The following UBE2W variants were observed in gnomAD, a reference collection of about 807,000 sequenced individuals.
The protein encoded by UBE2W is ubiquitin conjugating enzyme E2 W.
In UBE2W, 18 loss-of-function variants were observed where a neutral mutation model predicts 27.2. The ratio of observed to expected loss-of-function variants is 0.66; its 90% confidence interval spans 0.46 to 0.98. The LOEUF (loss-of-function observed/expected upper bound fraction) is 0.98, where lower values mean the gene tolerates loss of function less well. Among genes scored for constraint, UBE2W ranks in the 50% least tolerant of loss-of-function variants. The pLI, the probability that UBE2W is intolerant of heterozygous loss-of-function variation, is 0.00. For synonymous variants in UBE2W, 53 were observed against 57.2 expected, an observed-to-expected ratio of 0.93 and a Z score of 0.33; for missense variants, 90 against 180.2, an observed-to-expected ratio of 0.50 and a Z score of 2.87.
chr8:73,832,236 G>A (rs1159875063), intron 1 of UBE2W, among the ~76,000 whole-genome samples: 4 of 151,982 alleles, frequency 2.6e-5, no homozygotes, highest in Non-Finnish European at 4.4e-5. Context: ...AGGAGGCCAA[G>A]GCTGCAGTGA....
intron 1 of UBE2W, among the ~76,000 whole-genome samples, chr8:73,846,553 G>A (rs750444617): frequency 6.6e-6 from 1 of 152,106 alleles, no homozygotes; most frequent in Non-Finnish European, 1.5e-5. Context: ...AGGATTTTTA[G>A]GAATACTGCA....
chr8:73,819,377 A>G (rs1586474825), intron 3 of UBE2W, among the ~76,000 whole-genome samples: 1 of 152,220 alleles, frequency 6.6e-6, no homozygotes, highest in East Asian at 1.9e-4. Flanking sequence ...TGTCTGTCCC[A>G]TGACACATCC....
In UBE2W at chr8:73,793,749, C is replaced by T. The variant is rs1586437453; in HGVS notation, c.*353G>A. ...CTTTTCCTGTTACAACGCCCATTGC[C>T]GGCAATGAACGTACCAAAACCGCCA... On this transcript the variant is annotated 3_prime_UTR_variant, in exon 6 of 6. Transcript: ENST00000602593. The T allele has an allele frequency of 2.9e-6, 3 of 1,026,720 alleles. No individual in the cohort carries two copies. Among genetic ancestry groups the T allele is most frequent in the Non-Finnish European group, 3.5e-6 (3 of 856,996 alleles). 63.6% of individuals were successfully genotyped at this position (1,026,720 alleles called of 1,614,324 possible).
intron 1 of UBE2W, among the ~76,000 whole-genome samples, chr8:73,867,582 G>A (rs1464277641): frequency 2.6e-5 from 4 of 151,060 alleles, no homozygotes; most frequent in Non-Finnish European, 5.9e-5. Context: ...GTGGTAGCAC[G>A]TGCCTGTATT....
At chr8:73,864,880 G>A (rs968909846) in intron 1 of UBE2W, among the ~76,000 whole-genome samples, 31 of 151,830 alleles carry the variant, frequency 2.0e-4, no homozygotes, top group Non-Finnish European at 3.4e-4. Flanking sequence ...GGGATTACAC[G>A]AATGAGCCAC....
chr8:73,868,238 T>G (rs1295108701), intron 1 of UBE2W, among the ~76,000 whole-genome samples: 1 of 152,100 alleles, frequency 6.6e-6, no homozygotes, highest in Non-Finnish European at 1.5e-5. Flanking sequence ...GGAACACCAA[T>G]AGCCAATGAT....
At chr8:73,828,253 C>A (rs1303856617) in intron 2 of UBE2W, among the ~76,000 whole-genome samples, 1 of 152,086 alleles carries the variant, frequency 6.6e-6, no homozygotes, top group African/African-American at 2.4e-5. Context: ...AAGACACAAC[C>A]ATCTATTCCA....
chr8:73,878,715 G>A lies in UBE2W; in HGVS notation c.15+93C>T, dbSNP rs1481453407. The A allele has an allele frequency of 2.6e-6, 3 of 1,168,910 alleles. No homozygotes were observed. The East Asian group carries it at 7.8e-5, about 30-fold the overall frequency. 72.4% of individuals were successfully genotyped at this position (1,168,910 alleles called of 1,614,324 possible). On this transcript the variant is annotated intron_variant, in intron 1 of 5. Coordinates refer to ENST00000602593, the MANE Select transcript of UBE2W (RefSeq NM_018299.6). Reference sequence around the variant, plus strand: ...CCCGGACCGATCCCGAACCCGCCCGGGTGTCCCCGAATCGCGGACGCCACC... The same window carrying A: ...CCCGGACCGATCCCGAACCCGCCCGAGTGTCCCCGAATCGCGGACGCCACC...
rs1405595562 is a variant in UBE2W, at chr8:73,788,479, T to A, written c.*5623A>T. The A allele has an allele frequency of 1.0e-6, 1 of 985,280 alleles. No individual in the cohort carries two copies. Among genetic ancestry groups the A allele is most frequent in the Admixed American group, 6.2e-5 (1 of 16,256 alleles). 61.0% of individuals were successfully genotyped at this position (985,280 alleles called of 1,614,324 possible). ...TTTTGGCTACTAATCAACCCAATAA[T>A]CCATTTTACCTTGAACCTGACCACC... On this transcript the variant is annotated 3_prime_UTR_variant, in exon 6 of 6. Transcript: ENST00000602593.
intron 1 of UBE2W, among the ~76,000 whole-genome samples, chr8:73,867,694 G>A (rs566512468): frequency 4.1e-4 from 60 of 148,016 alleles, no homozygotes; most frequent in Non-Finnish European, 6.5e-4. Context: ...CGTGAGTGAC[G>A]GAGTGAGGCT....
intron 1 of UBE2W, among the ~76,000 whole-genome samples, chr8:73,860,911 G>A (rs1811509021): frequency 6.6e-6 from 1 of 152,108 alleles, no homozygotes; most frequent in Non-Finnish European, 1.5e-5. Context: ...AAGGGAGGAG[G>A]ATCGCTTGAG....
chr8:73,868,194 T>C (rs1311023312), intron 1 of UBE2W, among the ~76,000 whole-genome samples: 1 of 152,094 alleles, frequency 6.6e-6, no homozygotes, highest in Non-Finnish European at 1.5e-5. Flanking sequence ...ACCCCATCAA[T>C]CTTTGGGGAA....
intron 5 of UBE2W, among the ~76,000 whole-genome samples, chr8:73,799,964 T>C (rs1203255122): frequency 6.6e-6 from 1 of 152,204 alleles, no homozygotes; most frequent in Non-Finnish European, 1.5e-5. Flanking sequence ...GAAAAGATAC[T>C]GACTTGTGGA....
At chr8:73,844,590 G>A (rs935217857) in intron 1 of UBE2W, among the ~76,000 whole-genome samples, 13 of 151,616 alleles carry the variant, frequency 8.6e-5, no homozygotes, top group African/African-American at 1.5e-4. Flanking sequence ...AGTGAGGAGC[G>A]TCTCTGCCTG....
At position 73,820,022 on chromosome 8, in the gene UBE2W, C is replaced by G. The variant is rs945659425; in HGVS notation, c.210+5125G>C. Among the ~76,000 whole-genome samples, 5 of 152,138 alleles carry G rather than the reference C, an allele frequency of 3.3e-5. No individual in the cohort carries two copies. The South Asian group carries it at 1.0e-3, about 32-fold the overall frequency. On this transcript the variant is annotated intron_variant, in intron 3 of 5. Transcript: ENST00000602593. ...AGAGATGGGGTTGCCCTACGTTGCC[C>G]AGGCTGGTCCCAAAACTCCTGGGCT...
At position 73,790,040 on chromosome 8, in the gene UBE2W, T is replaced by C; in HGVS notation, c.*4062A>G. On this transcript the variant is annotated 3_prime_UTR_variant, in exon 6 of 6. Transcript: ENST00000602593. ...AGCTCATTTACCAAGTAGTCAATTA[T>C]TCAACAAATTTAGCCATCTACTGAC... is the stretch of plus-strand genomic sequence containing the variant. 2.0e-6 allele frequency: 2 copies of C among 985,314 alleles called. No homozygotes were observed. Among genetic ancestry groups the C allele is most frequent in the Non-Finnish European group, 2.4e-6 (2 of 829,872 alleles). 61.0% of individuals were successfully genotyped at this position (985,314 alleles called of 1,614,324 possible).
chr8:73,839,200 G>A (rs996453446), intron 1 of UBE2W, among the ~76,000 whole-genome samples: 7 of 152,010 alleles, frequency 4.6e-5, no homozygotes, highest in Admixed American at 3.3e-4. Context: ...AGAGAGCTGC[G>A]ATGATAGGTA....
intron 2 of UBE2W, among the ~76,000 whole-genome samples, chr8:73,826,491 A>G (rs1292465787): frequency 6.6e-6 from 1 of 152,216 alleles, no homozygotes; most frequent in Non-Finnish European, 1.5e-5. Flanking sequence ...TTGGGATTCT[A>G]GTCATCACCA....
At chr8:73,869,050 T>G (rs1811890871) in intron 1 of UBE2W, among the ~76,000 whole-genome samples, 1 of 152,154 alleles carries the variant, frequency 6.6e-6, no homozygotes, top group African/African-American at 2.4e-5. Context: ...ATGGATAAAC[T>G]GCAGTACAAC....
Sources: allele counts gnomAD v4.1 joint callset (sites outside exome capture counted in the v4.1 genomes callset), GRCh38; gene constraint gnomAD v4.1.1; transcripts MANE v1.5; gene names NCBI Gene and HGNC (gene_info 2026-07-23, HGNC 2026-07-21).